Variants in ARK2C observed in about 807,000 individuals in gnomAD.
ARK2C encodes the protein arkadia (RNF111) C-terminal like ring finger ubiquitin ligase 2C, also known as E3 ubiquitin-protein ligase ARK2C.
At chr18:46,366,862 C>G in the ARK2C span, among the ~76,000 whole-genome samples, 3 of 152,182 alleles carry the variant, frequency 2.0e-5, no homozygotes, top group Non-Finnish European at 2.9e-5. Flanking sequence ...GAAACCACAG[C>G]AAACAAAACA....
chr18:46,433,637 T>G, the ARK2C span: 1 of 779,482 alleles, frequency 1.3e-6, no homozygotes, highest in Non-Finnish European at 2.0e-6. Flanking sequence ...TACAGGCTCC[T>G]AGACTCCTGG....
the ARK2C span, among the ~76,000 whole-genome samples, chr18:46,381,272 C>T: frequency 1.3e-5 from 2 of 152,254 alleles, no homozygotes; most frequent in South Asian, 2.1e-4. Context: ...TCCGTGGTCT[C>T]TGAGGAGTCA....
chr18:46,371,599 C>G, the ARK2C span, among the ~76,000 whole-genome samples: 1 of 152,234 alleles, frequency 6.6e-6, no homozygotes, highest in African/African-American at 2.4e-5. Context: ...GAAGCCCCCA[C>G]CTGGGCACCT....
the ARK2C span, among the ~76,000 whole-genome samples, chr18:46,373,645 C>T: frequency 1.4e-4 from 21 of 152,204 alleles, no homozygotes; most frequent in Admixed American, 7.2e-4. Context: ...ACTGGCTCCT[C>T]GGGCTCCAGG....
At chr18:46,345,429 CAG>C in the ARK2C span, among the ~76,000 whole-genome samples, 1 of 152,180 alleles carries the variant, frequency 6.6e-6, no homozygotes, top group Non-Finnish European at 1.5e-5. Context: ...TTTCCCCCAG[CAG>C]AGAGGTGGTG....
chr18:46,368,488 C>T, the ARK2C span, among the ~76,000 whole-genome samples: 23 of 152,184 alleles, frequency 1.5e-4, no homozygotes, highest in Non-Finnish European at 2.5e-4. Flanking sequence ...TGTGGGTCTG[C>T]GTGTGCCCAG....
At chr18:46,370,446 G>C in the ARK2C span, among the ~76,000 whole-genome samples, 1 of 152,212 alleles carries the variant, frequency 6.6e-6, no homozygotes. Flanking sequence ...GAGGTGGATG[G>C]AGGAGGGGGT....
the ARK2C span, among the ~76,000 whole-genome samples, chr18:46,338,194 A>G: frequency 6.6e-6 from 1 of 152,202 alleles, no homozygotes; most frequent in African/African-American, 2.4e-5. Context: ...TGGGGGTGAC[A>G]TGTTACATGT....
At chr18:46,402,689 C>G in the ARK2C span, among the ~76,000 whole-genome samples, 1 of 152,158 alleles carries the variant, frequency 6.6e-6, no homozygotes, top group Non-Finnish European at 1.5e-5. Flanking sequence ...TTTGTAGACA[C>G]AAGGTTTTGC....
chr18:46,402,378 G>A, the ARK2C span, among the ~76,000 whole-genome samples: 7 of 152,174 alleles, frequency 4.6e-5, no homozygotes, highest in Admixed American at 1.3e-4. Context: ...AATACAGGAT[G>A]CCCAGTTACA....
At chr18:46,452,144 A>G in the ARK2C span, among the ~76,000 whole-genome samples, 3 of 152,360 alleles carry the variant, frequency 2.0e-5, no homozygotes, top group East Asian at 5.8e-4. Context: ...ATGTAAATGA[A>G]TGAACTTCAG....
chr18:46,411,579 G>A, the ARK2C span, among the ~76,000 whole-genome samples: 5 of 152,178 alleles, frequency 3.3e-5, no homozygotes, highest in South Asian at 2.1e-4. Context: ...TCTGCCTCAC[G>A]GAGTTGATAT....
the ARK2C span, chr18:46,447,667 C>A: frequency 6.2e-7 from 1 of 1,614,120 alleles, no homozygotes; most frequent in Admixed American, 1.7e-5. Context: ...CACCACTTTC[C>A]CAGAAACTCC....
At chr18:46,353,966 C>T in the ARK2C span, among the ~76,000 whole-genome samples, 1 of 152,070 alleles carries the variant, frequency 6.6e-6, no homozygotes, top group East Asian at 1.9e-4. Flanking sequence ...ATATTTAGCT[C>T]ACCCCCTCAT....
At chr18:46,364,990 C>T in the ARK2C span, among the ~76,000 whole-genome samples, 1 of 152,142 alleles carries the variant, frequency 6.6e-6, no homozygotes, top group South Asian at 2.1e-4. Flanking sequence ...TCTGTTTCTC[C>T]CTCTGTGACA....
chr18:46,440,974 G>GA, the ARK2C span, among the ~76,000 whole-genome samples: 4 of 151,912 alleles, frequency 2.6e-5, no homozygotes, highest in African/African-American at 9.7e-5. Flanking sequence ...GGTTGTGTAG[G>GA]ATTGGCATTA....
chr18:46,390,183 G>C, the ARK2C span, among the ~76,000 whole-genome samples: 1 of 152,214 alleles, frequency 6.6e-6, no homozygotes, highest in East Asian at 1.9e-4. Context: ...GGCAAGTCAG[G>C]TGGGAACTGG....
At chr18:46,437,776 C>G in the ARK2C span, among the ~76,000 whole-genome samples, 1 of 152,240 alleles carries the variant, frequency 6.6e-6, no homozygotes, top group African/African-American at 2.4e-5. Context: ...CCTTCTTGGA[C>G]TCAGTCCTGG....
chr18:46,355,204 C>A, the ARK2C span, among the ~76,000 whole-genome samples: 1 of 152,114 alleles, frequency 6.6e-6, no homozygotes, highest in African/African-American at 2.4e-5. Flanking sequence ...CCACCCACTT[C>A]GGCATCCCAA....
Sources: allele counts gnomAD v4.1 joint callset (sites outside exome capture counted in the v4.1 genomes callset), GRCh38; gene constraint gnomAD v4.1.1; transcripts MANE v1.5; gene names NCBI Gene and HGNC (gene_info 2026-07-23, HGNC 2026-07-21).